The following SARNP variants were observed in gnomAD, a reference collection of about 807,000 sequenced individuals.
The protein encoded by SARNP is SAP domain-containing ribonucleoprotein.
SARNP carries 5 observed loss-of-function variants against 38.1 expected under a neutral mutation model. The observed-to-expected ratio is 0.13, with a 90% confidence interval of 0.07 to 0.28. SARNP has a LOEUF of 0.28. Among genes scored for constraint, SARNP ranks in the 10% least tolerant of loss-of-function variants. The pLI is 1.00. For synonymous variants in SARNP, 84 were observed against 80.6 expected (o/e 1.04, Z -0.23); for missense variants, 180 against 243.9 (o/e 0.74, Z 1.75).
chr12:55,771,623 G>GT (rs1381074126), intron 9 of SARNP, among the ~76,000 whole-genome samples: 1 of 152,096 alleles, frequency 6.6e-6, no homozygotes, highest in Non-Finnish European at 1.5e-5. Flanking sequence ...CCCCTCAAAA[G>GT]TCTTTTCCCT....
intron 1 of SARNP, among the ~76,000 whole-genome samples, chr12:55,815,058 T>C (rs1880442255): frequency 6.6e-6 from 1 of 152,092 alleles, no homozygotes. Flanking sequence ...GATTTTTTTA[T>C]TTTCTTTTTT....
chr12:55,787,640 T>C (rs1014423359), intron 9 of SARNP, among the ~76,000 whole-genome samples: 3 of 152,174 alleles, frequency 2.0e-5, no homozygotes, highest in African/African-American at 7.2e-5. Context: ...TTTCACCATG[T>C]TGGCTGGGCT....
At chr12:55,790,654 A>C (rs1054622169) in intron 7 of SARNP, 62 bp from the exon 8 acceptor site, 3 of 1,394,866 alleles carry the variant, frequency 2.2e-6, no homozygotes, top group Admixed American at 3.2e-5. Flanking sequence ...AACAGTCTTC[A>C]AGTCAAATTA....
Position 55,795,320 on chromosome 12 carries a change from A to G in SARNP, c.304-440T>C, listed in dbSNP as rs566961738. ...CTTAGGGTCTAAACTGAAAATACTG[A>G]CAATCCTAGAAGATATCAGGTTGTG... On this transcript the variant is annotated intron_variant, in intron 5 of 10. Coordinates refer to ENST00000336133, the MANE Select transcript of SARNP (RefSeq NM_033082.4). 2.6e-5 allele frequency among the ~76,000 whole-genome samples: 4 copies of G among 152,280 alleles called. No homozygotes were observed. The East Asian group carries it at 5.8e-4, about 22-fold the overall frequency.
intron 2 of SARNP, among the ~76,000 whole-genome samples, chr12:55,803,188 A>G (rs1471116085): frequency 6.6e-6 from 1 of 152,162 alleles, no homozygotes; most frequent in Non-Finnish European, 1.5e-5. Flanking sequence ...CCTAAGATGT[A>G]GGTTGTACAA....
At chr12:55,772,513 C>T (rs1358407214) in intron 9 of SARNP, among the ~76,000 whole-genome samples, 3 of 152,018 alleles carry the variant, frequency 2.0e-5, no homozygotes, top group African/African-American at 4.8e-5. Context: ...GAGGTCGTTT[C>T]GGTCTTGCTC....
intron 9 of SARNP, among the ~76,000 whole-genome samples, chr12:55,766,801 T>C (rs1243101462): frequency 6.6e-6 from 1 of 152,140 alleles, no homozygotes; most frequent in Non-Finnish European, 1.5e-5. Context: ...TTTTGTTTTT[T>C]TGTAGAGAGA....
downstream of SARNP, chr12:55,752,481 AC>A (rs1425459812): frequency 1.3e-5 from 2 of 151,920 alleles, 1 homozygote; most frequent in Admixed American, 1.3e-4. Flanking sequence ...GAGTGAAGGG[AC>A]TTGGGGGGCA....
At chr12:55,814,429 A>G (rs1880422614) in intron 1 of SARNP, among the ~76,000 whole-genome samples, 1 of 152,200 alleles carries the variant, frequency 6.6e-6, no homozygotes, top group Non-Finnish European at 1.5e-5. Flanking sequence ...ACTTTTCAAT[A>G]CAAATGTCTC....
chr12:55,803,437 C>T (rs1250063418), intron 2 of SARNP, among the ~76,000 whole-genome samples, 192 bp downstream of exon 2: 1 of 151,076 alleles, frequency 6.6e-6, no homozygotes, highest in Non-Finnish European at 1.5e-5. Flanking sequence ...TGAGCTGAAA[C>T]TGCGTCACTG....
intron 7 of SARNP, among the ~76,000 whole-genome samples, chr12:55,792,368 C>A (rs1490539725): frequency 2.0e-5 from 3 of 151,492 alleles, no homozygotes; most frequent in African/African-American, 7.3e-5. Flanking sequence ...AGAAAAGGGG[C>A]TATGTTCTTT....
intron 4 of SARNP, among the ~76,000 whole-genome samples, chr12:55,798,997 A>G (rs999023270): frequency 6.6e-6 from 1 of 152,226 alleles, no homozygotes; most frequent in African/African-American, 2.4e-5. Context: ...ACACTTACAT[A>G]AGAAAATGAT....
chr12:55,753,694 C>G (rs1878408874), downstream of SARNP: 1 of 145,658 alleles, frequency 6.9e-6, no homozygotes, highest in African/African-American at 2.6e-5. Context: ...CGCTTGAACC[C>G]AGGTGGCGGA....
intron 9 of SARNP, among the ~76,000 whole-genome samples, chr12:55,767,848 GAAAAAAAAAAAAA>G (rs767928003): frequency 5.7e-5 from 2 of 35,394 alleles, no homozygotes; most frequent in African/African-American, 9.7e-5. Context: ...CTCCCTCTCA[GAAAAAAAAAAAAA>G]AAAAAAAAAA....
intron 9 of SARNP, among the ~76,000 whole-genome samples, chr12:55,778,925 C>A (rs1332371087): frequency 6.6e-6 from 1 of 152,122 alleles, no homozygotes; most frequent in African/African-American, 2.4e-5. Flanking sequence ...GAGCCAAGAT[C>A]GTGCCATTGC....
rs199727303 is a variant in SARNP, at chr12:55,757,281, ATTTT to A, written c.*227_*230del. ...AATAAAACACATTGTTCTCTTTTCT[ATTTT>A]TTTTTATTAACAAGCAACATAATCA... On this transcript the variant is annotated 3_prime_UTR_variant, in exon 11 of 11. Coordinates refer to ENST00000336133, the MANE Select transcript of SARNP (RefSeq NM_033082.4). 1.1e-5 allele frequency: 4 copies of A among 380,124 alleles called. No homozygotes were observed. Among genetic ancestry groups the A allele is most frequent in the African/African-American group, 2.1e-5 (1 of 47,748 alleles). 23.5% of individuals were successfully genotyped at this position (380,124 alleles called of 1,614,324 possible). A position where few individuals can be genotyped will look rare whatever the true frequency, so the allele number is the denominator to read the frequency against.
chr12:55,794,657 A>G (rs1411215933), intron 6 of SARNP, 150 bp downstream of exon 6: 3 of 650,060 alleles, frequency 4.6e-6, no homozygotes, highest in Non-Finnish European at 8.2e-6. Flanking sequence ...AAATCAGTAG[A>G]CATGTTCTGA....
intron 9 of SARNP, among the ~76,000 whole-genome samples, chr12:55,775,555 CAAAAAA>C (rs56311724): frequency 8.3e-6 from 1 of 120,888 alleles, no homozygotes; most frequent in Non-Finnish European, 1.8e-5. Flanking sequence ...AAAACAAAAA[CAAAAAA>C]AAAAAACTAT....
intron 9 of SARNP, among the ~76,000 whole-genome samples, chr12:55,775,417 C>G (rs1246184480): frequency 1.3e-5 from 2 of 150,258 alleles, no homozygotes; most frequent in Non-Finnish European, 3.0e-5. Context: ...AAAAATTAGC[C>G]GGGCATGGTG....
Sources: gnomAD v4.1 joint callset for allele counts (sites outside exome capture counted in the v4.1 genomes callset) on GRCh38, gnomAD v4.1.1 for gene constraint, MANE v1.5 for transcripts, NCBI Gene and HGNC (gene_info 2026-07-23, HGNC 2026-07-21) for gene names.